CCBE1: variants seen among roughly 807,000 people sequenced by gnomAD.
CCBE1 encodes collagen and calcium-binding EGF domain-containing protein 1.
In CCBE1, 37 loss-of-function variants were observed where a neutral mutation model predicts 50.0. That is an observed-to-expected ratio of 0.74 (90% confidence interval 0.57 to 0.97). CCBE1 has a LOEUF of 0.97. Among genes scored for constraint, CCBE1 ranks in the 50% least tolerant of loss-of-function variants. CCBE1 has a pLI of 0.00. For missense variants in CCBE1, 538 were observed against 523.8 expected (o/e 1.03, Z -0.26); for synonymous variants, 234 against 203.7 (o/e 1.15, Z -1.27).
At chr18:59,624,415 A>T (rs189732810) in intron 2 of CCBE1, among the ~76,000 whole-genome samples, 35 of 152,356 alleles carry the variant, frequency 2.3e-4, no homozygotes, top group Non-Finnish European at 3.8e-4. Context: ...TGATACATGC[A>T]ATAGATTTAT....
rs118188178 is a variant in CCBE1 at position 59,653,756 on chromosome 18, T to A, written c.212+42873A>T. ...TTAAATTCAGAACCAGGCACAGCAC[T>A]GTTTTTCACTAGACTTTTAATTCAA... On this transcript the variant is annotated intron_variant, in intron 2 of 10. Transcript: ENST00000439986. 3.4e-3 allele frequency among the ~76,000 whole-genome samples: 511 copies of A among 152,376 alleles called. 1 individual carries two copies. Among genetic ancestry groups the A allele is most frequent in the Non-Finnish European group, 5.9e-3 (399 of 68,036 alleles).
rs116129969 is a variant in CCBE1, at chr18:59,688,870, A to G, written c.212+7759T>C. ...AAGTGACCCAAAGATGAAGATGAGT[A>G]AGTGACCGTCCCAAGGTCACCTTGA... On this transcript the variant is annotated intron_variant, in intron 2 of 10. Coordinates refer to ENST00000439986, the MANE Select transcript of CCBE1 (RefSeq NM_133459.4). Among the ~76,000 whole-genome samples, 969 of 152,296 alleles carry G rather than the reference A, an allele frequency of 6.4e-3. 12 individuals are homozygous for G. The highest frequency in any genetic ancestry group is 0.022 in the African/African-American group (927 of 41,566).
intron 2 of CCBE1, among the ~76,000 whole-genome samples, chr18:59,514,719 T>C (rs912443010): frequency 2.0e-5 from 3 of 147,612 alleles, no homozygotes; most frequent in African/African-American, 7.4e-5. Context: ...AAACACTTCA[T>C]CCTTGCCCCA....
chr18:59,493,110 G>A (rs577131657), intron 2 of CCBE1, among the ~76,000 whole-genome samples: 2 of 152,338 alleles, frequency 1.3e-5, no homozygotes, highest in South Asian at 2.1e-4. Flanking sequence ...TCGTCTGCAG[G>A]TCAGTCACTT....
At chr18:59,441,173 C>T (rs1910403110) in intron 7 of CCBE1, among the ~76,000 whole-genome samples, 1 of 152,192 alleles carries the variant, frequency 6.6e-6, no homozygotes, top group Admixed American at 6.5e-5. Flanking sequence ...TCTACTGTTT[C>T]TCTGCAAATG....
At chr18:59,629,917 C>A (rs764587232) in intron 2 of CCBE1, among the ~76,000 whole-genome samples, 2 of 152,144 alleles carry the variant, frequency 1.3e-5, no homozygotes, top group Non-Finnish European at 2.9e-5. Flanking sequence ...CAGTTCTCTG[C>A]GTGACCATTT....
intron 9 of CCBE1, among the ~76,000 whole-genome samples, chr18:59,438,969 G>A (rs1910285024): frequency 6.6e-6 from 1 of 152,100 alleles, no homozygotes; most frequent in African/African-American, 2.4e-5. Flanking sequence ...GGGTAACATG[G>A]CGAAACCCCG....
chr18:59,606,321 C>T (rs1347022003), intron 2 of CCBE1, among the ~76,000 whole-genome samples: 3 of 152,118 alleles, frequency 2.0e-5, no homozygotes, highest in South Asian at 2.1e-4. Flanking sequence ...GGGAAAGCAG[C>T]GAGGCATCTG....
At position 59,693,864 on chromosome 18, in the gene CCBE1, C is replaced by CTTTTTTTTTTTTTTTTTTTT. The variant is rs11410421; in HGVS notation, c.212+2745_212+2764dup. Among the ~76,000 whole-genome samples the CTTTTTTTTTTTTTTTTTTTT allele has an allele frequency of 8.5e-5, 6 of 70,770 alleles. 1 individual carries two copies. The highest frequency in any genetic ancestry group is 2.5e-4 in the African/African-American group (4 of 16,020). 46.4% of individuals were successfully genotyped at this position (70,770 alleles called of 152,430 possible). A position where few individuals can be genotyped will look rare whatever the true frequency, so the allele number is the denominator to read the frequency against. On this transcript the variant is annotated intron_variant, in intron 2 of 10. Transcript: ENST00000439986. ...AGAATATTTCTTGTTAAAGGAAAGC[C>CTTTTTTTTTTTTTTTTTTTT]TTTTTTTTTTTTTTTTTTTTTTTTT... is the stretch of plus-strand genomic sequence containing the variant.
At chr18:59,507,173 A>T (rs1249352725) in intron 2 of CCBE1, among the ~76,000 whole-genome samples, 1 of 152,132 alleles carries the variant, frequency 6.6e-6, no homozygotes, top group African/African-American at 2.4e-5. Context: ...TCTTTCCAAA[A>T]CCAACATCCT....
intron 2 of CCBE1, among the ~76,000 whole-genome samples, chr18:59,488,301 T>A (rs1307258405): frequency 6.6e-6 from 1 of 152,176 alleles, no homozygotes; most frequent in East Asian, 1.9e-4. Flanking sequence ...AAGTATTTAA[T>A]GCCCCTGAAT....
At chr18:59,611,907 T>TA (rs2053574295) in intron 2 of CCBE1, among the ~76,000 whole-genome samples, 1 of 152,158 alleles carries the variant, frequency 6.6e-6, no homozygotes, top group South Asian at 2.1e-4. Context: ...CAGATGTCCA[T>TA]AAAGTCTTAA....
At chr18:59,655,162 T>C (rs2054173276) in intron 2 of CCBE1, among the ~76,000 whole-genome samples, 1 of 150,112 alleles carries the variant, frequency 6.7e-6, no homozygotes, top group African/African-American at 2.5e-5. Flanking sequence ...GCCCTCAGAG[T>C]AAGCATCCTC....
intron 2 of CCBE1, among the ~76,000 whole-genome samples, chr18:59,552,912 C>A (rs531807999): frequency 2.0e-5 from 3 of 152,268 alleles, no homozygotes; most frequent in East Asian, 3.9e-4. Context: ...ATGTAGCTGT[C>A]CCACCTGTCC....
At chr18:59,554,468 G>A (rs1055162845) in intron 2 of CCBE1, among the ~76,000 whole-genome samples, 1 of 152,224 alleles carries the variant, frequency 6.6e-6, no homozygotes, top group Non-Finnish European at 1.5e-5. Flanking sequence ...ATGCAGCACA[G>A]ACAAGGTGTT....
intron 2 of CCBE1, among the ~76,000 whole-genome samples, chr18:59,615,283 T>C (rs2053621974): frequency 1.3e-5 from 2 of 152,274 alleles, no homozygotes; most frequent in African/African-American, 4.8e-5. Context: ...TCTTAGGATC[T>C]GCAAGGCTGT....
At chr18:59,541,770 G>A (rs1478146985) in intron 2 of CCBE1, among the ~76,000 whole-genome samples, 1 of 152,122 alleles carries the variant, frequency 6.6e-6, no homozygotes, top group Non-Finnish European at 1.5e-5. Context: ...TGTTCAAATT[G>A]GTGAGGGGAT....
intron 2 of CCBE1, among the ~76,000 whole-genome samples, chr18:59,620,421 T>C (rs542177767): frequency 2.6e-5 from 4 of 152,310 alleles, no homozygotes; most frequent in African/African-American, 9.6e-5. Context: ...GAGAGAAAGC[T>C]GAGACCCTCA....
upstream of CCBE1, chr18:59,697,492 G>A: frequency 1.0e-6 from 1 of 1,000,118 alleles, no homozygotes; most frequent in Non-Finnish European, 1.4e-6. Context: ...CAGGGGTCCG[G>A]AATATTATGG....
Sources: allele counts gnomAD v4.1 joint callset (sites outside exome capture counted in the v4.1 genomes callset), GRCh38; gene constraint gnomAD v4.1.1; transcripts MANE v1.5; gene names NCBI Gene and HGNC (gene_info 2026-07-23, HGNC 2026-07-21).